ABI3BP: variants seen among roughly 807,000 people sequenced by gnomAD.
ABI3BP encodes ABI family member 3 binding protein.
In ABI3BP, 216 loss-of-function variants were observed where a neutral mutation model predicts 268.6. That is an observed-to-expected ratio of 0.80 (90% confidence interval 0.72 to 0.90). The LOEUF (loss-of-function observed/expected upper bound fraction) is 0.90. ABI3BP is among the 40% of genes least tolerant of loss of function. The probability of loss-of-function intolerance (pLI) is 0.00; values close to 1 mark genes in which losing one functional copy is unlikely to be tolerated. For synonymous variants in ABI3BP, 730 were observed against 730.0 expected (o/e 1.00, Z 0.00); for missense variants, 2,090 against 2,182.4 (o/e 0.96, Z 0.84).
In ABI3BP at chr3:100,749,896, A is replaced by AAGGAAATGTAT. The variant is rs2095228205; in HGVS notation, c.*588_*598dup. ...CTTTTTAAGAATTTGTGGATGTTTAAAGGAAATGTATATTAGCATGAATGT... is the reference window on the plus strand; with the variant it reads ...CTTTTTAAGAATTTGTGGATGTTTAAAGGAAATGTATAGGAAATGTATATTAGCATGAATGT... On this transcript the variant is annotated 3_prime_UTR_variant, in exon 68 of 68. Transcript: ENST00000471714. 2.5e-6 allele frequency: 1 copy of AAGGAAATGTAT among 394,830 alleles called. No individual in the cohort carries two copies. Among genetic ancestry groups the AAGGAAATGTAT allele is most frequent in the South Asian group, 1.4e-4 (1 of 7,010 alleles). 24.5% of individuals were successfully genotyped at this position (394,830 alleles called of 1,614,324 possible). A position where few individuals can be genotyped will look rare whatever the true frequency, so the allele number is the denominator to read the frequency against.
At chr3:100,921,225 G>C (rs981132890) in intron 2 of ABI3BP, among the ~76,000 whole-genome samples, 8 of 152,302 alleles carry the variant, frequency 5.3e-5, no homozygotes, top group African/African-American at 1.9e-4. Flanking sequence ...ATCAGAATTT[G>C]TCATAGTGAA....
At chr3:100,816,425 G>T (rs949089318) in intron 43 of ABI3BP, 31 of 563,672 alleles carry the variant, frequency 5.5e-5, no homozygotes, top group African/African-American at 5.3e-4. Context: ...TGCTAATCTC[G>T]CTGTAAACAC....
chr3:100,828,551 G>T, intron 33 of ABI3BP, 99 bp from the exon 34 acceptor site: 1 of 1,073,112 alleles, frequency 9.3e-7, no homozygotes, highest in South Asian at 1.5e-5. Flanking sequence ...TGACATATCT[G>T]TCCAGAGCAC....
intron 63 of ABI3BP, among the ~76,000 whole-genome samples, chr3:100,764,509 G>A (rs1341885470): frequency 6.6e-6 from 1 of 152,198 alleles, no homozygotes; most frequent in Non-Finnish European, 1.5e-5. Flanking sequence ...CAGATCATGA[G>A]CTAATAAGTG....
In ABI3BP at chr3:100,898,829, G is replaced by C; in HGVS notation, c.394C>G (p.Leu132Val). 1 of 1,613,810 alleles carries C rather than the reference G, an allele frequency of 6.2e-7. No homozygotes were observed. The highest frequency in any genetic ancestry group is 8.5e-7 in the Non-Finnish European group (1 of 1,179,782). Reference protein sequence around the residue: ...VGTLTPSSVFLSWGFLINPHH... With the variant: ...VGTLTPSSVFVSWGFLINPHH... ...GGGTTGATGAGGAAACCCCAGGACA[G>C]GAAGACCGAGCTCGGTGTCAGAGTG... The change falls in exon 4 of 68, where the codon CTG (leucine) becomes GTG (valine). Residue 132 changes from leucine to valine, a missense_variant. By Grantham distance (32) the Leu-to-Val change is conservative. Transcript: ENST00000471714.
chr3:100,822,517 C>T (rs1376178584), intron 38 of ABI3BP, 72 bp downstream of exon 38: 1 of 1,390,836 alleles, frequency 7.2e-7, no homozygotes, highest in African/African-American at 1.4e-5. Context: ...TACTCCCAAC[C>T]ACTGGGATTA....
chr3:100,834,775 TAAAG>T lies in ABI3BP; in HGVS notation c.2192-6_2192-3del. On this transcript the variant is annotated splice_polypyrimidine_tract_variant and splice_region_variant and intron_variant, in intron 28 of 67. Coordinates refer to ENST00000471714, the MANE Select transcript of ABI3BP (RefSeq NM_001375547.2). The stretch of plus-strand genomic sequence containing the variant: ...TTGTTCGTTGCGATGTTTTTGGAGC[TAAAG>T]AAAGGAAACTGGTTATTGTAGTCAT... 6.5e-7 allele frequency: 1 copy of T among 1,535,492 alleles called. No homozygotes were observed. Among genetic ancestry groups the T allele is most frequent in the Non-Finnish European group, 8.7e-7 (1 of 1,146,434 alleles).
At position 100,964,990 on chromosome 3, in the gene ABI3BP, T is replaced by C. The variant is rs1314238170; in HGVS notation, c.79+28316A>G. ...AAGAATGAAGAAGTTTCTTATGTCA[T>C]GATAAATTTTTGTATTAATAAGGAA... On this transcript the variant is annotated intron_variant, in intron 1 of 67. Transcript: ENST00000471714. 3.9e-5 allele frequency among the ~76,000 whole-genome samples: 6 copies of C among 152,176 alleles called. No individual in the cohort carries two copies. In the East Asian group the frequency reaches 1.2e-3, roughly 29 times the overall value.
At chr3:100,825,727 C>G in intron 35 of ABI3BP, 58 bp downstream of exon 35, 1 of 1,329,452 alleles carries the variant, frequency 7.5e-7, no homozygotes, top group Non-Finnish European at 1.0e-6. Flanking sequence ...ACTGAATGGA[C>G]TGTACAACAA....
At chr3:100,754,200 A>G (rs767004733) in intron 64 of ABI3BP, among the ~76,000 whole-genome samples, 1 of 152,232 alleles carries the variant, frequency 6.6e-6, no homozygotes, top group Non-Finnish European at 1.5e-5. Flanking sequence ...GTTGGTATAA[A>G]AATTATGCAA....
At chr3:100,792,051 C>A (rs80027046) in intron 55 of ABI3BP, among the ~76,000 whole-genome samples, 1 of 151,602 alleles carries the variant, frequency 6.6e-6, no homozygotes, top group Non-Finnish European at 1.5e-5. Context: ...GTGTTATAAC[C>A]TAAGTAGGAT....
chr3:100,856,482 T>G (rs934679983), intron 14 of ABI3BP, among the ~76,000 whole-genome samples: 3 of 152,336 alleles, frequency 2.0e-5, no homozygotes, highest in African/African-American at 7.2e-5. Context: ...GATAACTGTA[T>G]ATGATTCAAG....
intron 4 of ABI3BP, among the ~76,000 whole-genome samples, chr3:100,888,059 AT>A (rs1257187076): frequency 2.0e-5 from 3 of 152,024 alleles, no homozygotes; most frequent in Non-Finnish European, 4.4e-5. Flanking sequence ...GATGAGATGC[AT>A]TTGTATATTC....
At chr3:100,872,109 G>T (rs1334124035) in intron 9 of ABI3BP, among the ~76,000 whole-genome samples, 1 of 152,148 alleles carries the variant, frequency 6.6e-6, no homozygotes, top group Non-Finnish European at 1.5e-5. Context: ...CTCCCAAAGT[G>T]CTGGGGTTAC....
intron 67 of ABI3BP, among the ~76,000 whole-genome samples, chr3:100,751,137 T>C (rs2095297062): frequency 6.6e-6 from 1 of 152,154 alleles, no homozygotes; most frequent in Non-Finnish European, 1.5e-5. Context: ...CACAGAATTA[T>C]TCTAATTATA....
intron 57 of ABI3BP, among the ~76,000 whole-genome samples, chr3:100,785,071 A>T (rs891689605): frequency 2.0e-5 from 3 of 152,204 alleles, no homozygotes; most frequent in Non-Finnish European, 2.9e-5. Context: ...ATTTTAAAAA[A>T]TAAAATTAAA....
intron 62 of ABI3BP, among the ~76,000 whole-genome samples, chr3:100,769,095 T>G (rs1016865984): frequency 1.3e-5 from 2 of 152,244 alleles, no homozygotes; most frequent in Admixed American, 1.3e-4. Flanking sequence ...TTATCTGAGC[T>G]GCTGGTTTGT....
At chr3:100,914,382 C>G (rs1414574917) in intron 2 of ABI3BP, 1 of 449,702 alleles carries the variant, frequency 2.2e-6, no homozygotes, top group South Asian at 1.6e-5. Flanking sequence ...GTCTGCGGAA[C>G]AGGCCCCTGG....
chr3:100,853,313 G>A (rs921536339), intron 14 of ABI3BP, among the ~76,000 whole-genome samples: 2 of 152,126 alleles, frequency 1.3e-5, no homozygotes, highest in African/African-American at 4.8e-5. Flanking sequence ...CTTTAGCCTT[G>A]CTGTCATTTT....
Sources: gnomAD v4.1 joint callset for allele counts (sites outside exome capture counted in the v4.1 genomes callset) on GRCh38, gnomAD v4.1.1 for gene constraint, MANE v1.5 for transcripts, NCBI Gene and HGNC (gene_info 2026-07-23, HGNC 2026-07-21) for gene names.